BCL2: variants seen among roughly 807,000 people sequenced by gnomAD.
BCL2 encodes the protein BCL2 apoptosis regulator.
Under a neutral mutation model 14.2 loss-of-function variants are expected in BCL2, and 1 was observed. The ratio of observed to expected loss-of-function variants is 0.07; its 90% CI spans 0.02 to 0.33. BCL2 has a LOEUF of 0.33. Among genes scored for constraint, BCL2 ranks in the 10% least tolerant of loss-of-function variants. The pLI is 0.99. For missense variants in BCL2, 247 were observed against 305.9 expected, an observed-to-expected ratio of 0.81 and a Z score of 1.44; for synonymous variants, 151 against 137.2, an observed-to-expected ratio of 1.10 and a Z score of -0.70.
At chr18:63,186,579 T>C (rs984234414) in intron 2 of BCL2, among the ~76,000 whole-genome samples, 1 of 152,268 alleles carries the variant, frequency 6.6e-6, no homozygotes, top group Non-Finnish European at 1.5e-5. Context: ...TCTGTGATTT[T>C]ACTTTCCAAA....
chr18:63,238,765 C>A (rs1490754955), intron 2 of BCL2, among the ~76,000 whole-genome samples: 1 of 152,212 alleles, frequency 6.6e-6, no homozygotes, highest in Non-Finnish European at 1.5e-5. Flanking sequence ...GAAATGTGTT[C>A]TTCCTACGCA....
chr18:63,264,911 C>A (rs963608903), intron 2 of BCL2, among the ~76,000 whole-genome samples: 4 of 84 alleles, frequency 0.048, no homozygotes, highest in Non-Finnish European at 0.087. Context: ...GGGATGAGGC[C>A]TCTGTGGCAA....
At chr18:63,133,619 G>T (rs985913785) in intron 2 of BCL2, among the ~76,000 whole-genome samples, 1 of 152,028 alleles carries the variant, frequency 6.6e-6, no homozygotes. Context: ...AACCTAAAAT[G>T]AGAATTTTTT....
intron 2 of BCL2, among the ~76,000 whole-genome samples, chr18:63,210,001 T>C (rs752424187): frequency 1.3e-5 from 2 of 152,136 alleles, no homozygotes; most frequent in South Asian, 2.1e-4. Context: ...CTTAAAAACC[T>C]GGGAAAAGAA....
intron 2 of BCL2, among the ~76,000 whole-genome samples, chr18:63,256,841 T>A (rs1226822794): frequency 6.6e-6 from 1 of 152,188 alleles, no homozygotes; most frequent in African/African-American, 2.4e-5. Flanking sequence ...AGCAGAGTCA[T>A]TAACAGTATG....
intron 2 of BCL2, among the ~76,000 whole-genome samples, chr18:63,237,980 A>C (rs1043324093): frequency 3.3e-5 from 5 of 151,572 alleles, no homozygotes; most frequent in Admixed American, 2.0e-4. Flanking sequence ...CTTAAACCCC[A>C]AATGGCCAAG....
intron 2 of BCL2, among the ~76,000 whole-genome samples, chr18:63,217,906 A>G (rs1910249694): frequency 6.6e-6 from 1 of 152,226 alleles, no homozygotes; most frequent in African/African-American, 2.4e-5. Flanking sequence ...GGTTAGTCCT[A>G]TGGGTTCCTT....
At chr18:63,289,060 A>G (rs537344042) in intron 2 of BCL2, among the ~76,000 whole-genome samples, 44 of 152,362 alleles carry the variant, frequency 2.9e-4, no homozygotes, top group African/African-American at 1.0e-3. Flanking sequence ...TACTTCATTC[A>G]TCCATTCAGC....
intron 2 of BCL2, among the ~76,000 whole-genome samples, chr18:63,184,889 C>T (rs1284746456): frequency 2.6e-5 from 4 of 152,182 alleles, no homozygotes; most frequent in East Asian, 1.9e-4. Context: ...GACTCAGAAA[C>T]GACCCTGAGT....
intron 2 of BCL2, among the ~76,000 whole-genome samples, chr18:63,218,773 C>CCCCTCTACTCATCA (rs1910296011): frequency 2.0e-4 from 2 of 9,966 alleles, no homozygotes; most frequent in Non-Finnish European, 4.3e-4. Context: ...TCTACTCATC[C>CCCCTCTACTCATCA]CCATCCTCCA....
chr18:63,145,280 G>A (rs4987825), intron 2 of BCL2, among the ~76,000 whole-genome samples: 17 of 152,224 alleles, frequency 1.1e-4, no homozygotes, highest in Non-Finnish European at 1.9e-4. Flanking sequence ...TGTCTGCAAC[G>A]TGCATGAACA....
At chr18:63,156,363 G>A (rs958334266) in intron 2 of BCL2, among the ~76,000 whole-genome samples, 4 of 152,166 alleles carry the variant, frequency 2.6e-5, no homozygotes, top group South Asian at 2.1e-4. Context: ...TGGGGAGGAC[G>A]GGCTGCCCTG....
intron 2 of BCL2, chr18:63,317,279 T>G (rs184183383): frequency 1.3e-5 from 2 of 154,966 alleles, no homozygotes; most frequent in African/African-American, 4.8e-5. Context: ...CCACTCTGAG[T>G]GGTGAAAAAC....
At chr18:63,146,254 T>C (rs1386305192) in intron 2 of BCL2, among the ~76,000 whole-genome samples, 1 of 152,174 alleles carries the variant, frequency 6.6e-6, no homozygotes, top group Non-Finnish European at 1.5e-5. Context: ...AAATTAAGTG[T>C]TGGCCGAGTG....
At chr18:63,140,657 T>C (rs1432402706) in intron 2 of BCL2, among the ~76,000 whole-genome samples, 1 of 152,124 alleles carries the variant, frequency 6.6e-6, no homozygotes, top group African/African-American at 2.4e-5. Context: ...ACGGGGAGAC[T>C]AGGGAGTCAT....
chr18:63,169,274 TTC>T (rs1915130136), intron 2 of BCL2, among the ~76,000 whole-genome samples: 2 of 64,544 alleles, frequency 3.1e-5, no homozygotes, highest in Non-Finnish European at 5.3e-5. Context: ...CTTTCTTTCT[TTC>T]TTTCTTTCTT....
intron 2 of BCL2, among the ~76,000 whole-genome samples, chr18:63,173,091 G>A (rs183800365): frequency 6.6e-6 from 1 of 152,230 alleles, no homozygotes; most frequent in Admixed American, 6.5e-5. Context: ...TAGAAGTTGT[G>A]ATCAATTCTC....
At chr18:63,199,636 C>T (rs1385435223) in intron 2 of BCL2, among the ~76,000 whole-genome samples, 2 of 151,948 alleles carry the variant, frequency 1.3e-5, no homozygotes, top group Non-Finnish European at 2.9e-5. Flanking sequence ...TACACAGAGA[C>T]ACACACATAC....
At chr18:63,250,717 C>T (rs917273317) in intron 2 of BCL2, among the ~76,000 whole-genome samples, 2 of 152,154 alleles carry the variant, frequency 1.3e-5, no homozygotes, top group Non-Finnish European at 2.9e-5. Context: ...TAGGGATTTG[C>T]TGTCTTTTGA....
Sources: gnomAD v4.1 joint callset for allele counts (sites outside exome capture counted in the v4.1 genomes callset) on GRCh38, gnomAD v4.1.1 for gene constraint, MANE v1.5 for transcripts, NCBI Gene and HGNC (gene_info 2026-07-23, HGNC 2026-07-21) for gene names.